Variants in ZCCHC17 observed in about 807,000 individuals in gnomAD.
ZCCHC17 encodes the protein zinc finger CCHC-type containing 17, also known as zinc finger CCHC domain-containing protein 17.
In ZCCHC17, 18 loss-of-function variants were observed where a neutral mutation model predicts 30.6. The observed-to-expected ratio is 0.59, with a 90% CI of 0.41 to 0.87. ZCCHC17 has a LOEUF of 0.87. ZCCHC17 is among the 40% of genes least tolerant of loss of function. The probability of loss-of-function intolerance (pLI) is 0.00; values close to 1 mark genes in which losing one functional copy is unlikely to be tolerated. For synonymous variants in ZCCHC17, 88 were observed against 92.4 expected, an observed-to-expected ratio of 0.95 and a Z score of 0.27; for missense variants, 263 against 284.2, an observed-to-expected ratio of 0.93 and a Z score of 0.54.
rs1646565447 is a variant in ZCCHC17, at chr1:31,310,169, A to T, written c.66+5A>T. 6.2e-7 allele frequency: 1 copy of T among 1,613,790 alleles called. No individual in the cohort carries two copies. Among genetic ancestry groups the T allele is most frequent in the African/African-American group, 1.3e-5 (1 of 74,872 alleles). On this transcript the variant is annotated splice_donor_5th_base_variant and intron_variant, in intron 2 of 7. Transcript: ENST00000344147. ...TACACTATTTTCCAAGGAGAGGTATATTCTTTTGTGCTTTGAAAACCCACC... is the reference window on the plus strand; with the variant it reads ...TACACTATTTTCCAAGGAGAGGTATTTTCTTTTGTGCTTTGAAAACCCACC...
chr1:31,336,216 G>A (rs1022066121), intron 3 of ZCCHC17, among the ~76,000 whole-genome samples: 1 of 152,084 alleles, frequency 6.6e-6, no homozygotes, highest in Non-Finnish European at 1.5e-5. Context: ...GGGATCACAG[G>A]TTTGCACCAC....
At chr1:31,333,415 C>T (rs1238759589) in intron 3 of ZCCHC17, among the ~76,000 whole-genome samples, 2 of 151,848 alleles carry the variant, frequency 1.3e-5, no homozygotes, top group African/African-American at 4.8e-5. Context: ...CGCAGCTACT[C>T]GGGAGGCTGA....
chr1:31,300,334 A>T (rs957426093), intron 1 of ZCCHC17, among the ~76,000 whole-genome samples: 2 of 152,198 alleles, frequency 1.3e-5, no homozygotes, highest in Non-Finnish European at 2.9e-5. Context: ...TGCTACGATT[A>T]TAGGCATAAG....
At chr1:31,297,509 T>C (rs2148396477) in intron 1 of ZCCHC17, among the ~76,000 whole-genome samples, 1 of 152,296 alleles carries the variant, frequency 6.6e-6, no homozygotes, top group Non-Finnish European at 1.5e-5. Context: ...AGCACAGTCT[T>C]GTTGAGAAAT....
intron 7 of ZCCHC17, among the ~76,000 whole-genome samples, chr1:31,361,777 GA>G (rs1299935204): frequency 1.3e-5 from 2 of 150,616 alleles, no homozygotes; most frequent in Non-Finnish European, 3.0e-5. Flanking sequence ...TTTTTGGGGA[GA>G]GGGGGAGATT....
chr1:31,318,975 G>A, intron 2 of ZCCHC17, 134 bp from the exon 3 acceptor site: 2 of 977,456 alleles, frequency 2.0e-6, no homozygotes, highest in Non-Finnish European at 2.9e-6. Flanking sequence ...GTTTGACAGA[G>A]CATCATTTTT....
intron 6 of ZCCHC17, among the ~76,000 whole-genome samples, chr1:31,347,940 C>A (rs1639334224): frequency 6.6e-6 from 1 of 152,128 alleles, no homozygotes; most frequent in African/African-American, 2.4e-5. Context: ...CATACAATTC[C>A]TCTGTGCCCC....
At chr1:31,317,023 T>C (rs1447251084) in intron 2 of ZCCHC17, among the ~76,000 whole-genome samples, 1 of 137,342 alleles carries the variant, frequency 7.3e-6, no homozygotes, top group African/African-American at 3.1e-5. Context: ...TAACTTTTTT[T>C]CTTTTTTTTT....
intron 1 of ZCCHC17, among the ~76,000 whole-genome samples, chr1:31,302,272 C>G (rs1047701026): frequency 6.6e-6 from 1 of 151,688 alleles, no homozygotes; most frequent in Non-Finnish European, 1.5e-5. Flanking sequence ...ATCTGTCCAA[C>G]ATATTAAATG....
intron 5 of ZCCHC17, among the ~76,000 whole-genome samples, chr1:31,343,081 T>G (rs747994485): frequency 2.0e-5 from 3 of 152,120 alleles, no homozygotes; most frequent in Non-Finnish European, 4.4e-5. Context: ...GAATTTTTAT[T>G]TATTTATTTT....
At chr1:31,320,201 A>T (rs1002207396) in intron 3 of ZCCHC17, among the ~76,000 whole-genome samples, 3 of 152,352 alleles carry the variant, frequency 2.0e-5, no homozygotes, top group Admixed American at 6.5e-5. Flanking sequence ...TAAAATATTC[A>T]TACATGCAAC....
intron 7 of ZCCHC17, among the ~76,000 whole-genome samples, chr1:31,359,838 C>G (rs560639648): frequency 5.3e-5 from 8 of 152,280 alleles, no homozygotes; most frequent in South Asian, 4.1e-4. Context: ...CCATCTGATA[C>G]TTGAATCCAT....
At chr1:31,308,278 A>AT (rs993688468) in intron 1 of ZCCHC17, among the ~76,000 whole-genome samples, 3 of 152,252 alleles carry the variant, frequency 2.0e-5, no homozygotes, top group African/African-American at 7.2e-5. Context: ...CAAGTTTAGT[A>AT]TAAGGATATA....
At chr1:31,339,148 T>A in intron 5 of ZCCHC17, 100 bp downstream of exon 5, 2 of 823,896 alleles carry the variant, frequency 2.4e-6, no homozygotes, top group South Asian at 3.5e-5. Context: ...ATTTATGGAC[T>A]TTGTGATATT....
chr1:31,331,646 T>C, intron 3 of ZCCHC17, among the ~76,000 whole-genome samples: 1 of 151,816 alleles, frequency 6.6e-6, no homozygotes, highest in Admixed American at 6.6e-5. Context: ...GGAGTCTCGC[T>C]CTGTTGCCGG....
At position 31,340,599 on chromosome 1, in the gene ZCCHC17, G is replaced by A. The variant is rs972854447; in HGVS notation, c.317+1551G>A. On this transcript the variant is annotated intron_variant, in intron 5 of 7. Coordinates refer to ENST00000344147, the MANE Select transcript of ZCCHC17 (RefSeq NM_016505.4). ...CCCAAAGTGCTGGGATTACAGGCGC[G>A]AGCCACCGCGCCCGGCCCTTGGAGG... 2.6e-5 allele frequency among the ~76,000 whole-genome samples: 4 copies of A among 152,254 alleles called. No individual in the cohort carries two copies. In the East Asian group the frequency reaches 5.8e-4, roughly 22 times the overall value.
intron 5 of ZCCHC17, among the ~76,000 whole-genome samples, chr1:31,345,579 T>TA (rs1639238637): frequency 2.1e-5 from 3 of 141,496 alleles, no homozygotes; most frequent in African/African-American, 7.9e-5. Flanking sequence ...TATATATATA[T>TA]ATATTAGTTC....
chr1:31,354,797 C>T (rs1639585572), intron 7 of ZCCHC17, among the ~76,000 whole-genome samples: 1 of 152,178 alleles, frequency 6.6e-6, no homozygotes, highest in Non-Finnish European at 1.5e-5. Flanking sequence ...CAACCTACTA[C>T]CCAGCCCTCC....
At chr1:31,362,335 C>T (rs1353892440) in intron 7 of ZCCHC17, among the ~76,000 whole-genome samples, 1 of 152,236 alleles carries the variant, frequency 6.6e-6, no homozygotes, top group Non-Finnish European at 1.5e-5. Context: ...TGGTTGGAAG[C>T]TGGCATCCTT....
Sources: allele counts gnomAD v4.1 joint callset (sites outside exome capture counted in the v4.1 genomes callset), GRCh38; gene constraint gnomAD v4.1.1; transcripts MANE v1.5; gene names NCBI Gene and HGNC (gene_info 2026-07-23, HGNC 2026-07-21).